ZNF610: variants seen among roughly 807,000 people sequenced by gnomAD.
The protein encoded by ZNF610 is zink finger protein.
In ZNF610, 14 loss-of-function variants were observed where a neutral mutation model predicts 14.1. The observed-to-expected ratio is 0.99, with a 90% CI of 0.65 to 1.55. The LOEUF is 1.55. Ranked by LOEUF, ZNF610 falls within the 40% of genes most tolerant of loss-of-function variation. The pLI is 0.00. For missense variants in ZNF610, 530 were observed against 558.0 expected, an observed-to-expected ratio of 0.95 and a Z score of 0.51; for synonymous variants, 185 against 187.6, an observed-to-expected ratio of 0.99 and a Z score of 0.11.
chr19:52,365,590 G>C, intron 5 of ZNF610, 108 bp from the exon 6 acceptor site: 1 of 984,648 alleles, frequency 1.0e-6, no homozygotes, highest in South Asian at 1.6e-5. Flanking sequence ...AAAGTATGCC[G>C]ATACTTCTTC....
chr19:52,357,626 T>C (rs111899967), intron 5 of ZNF610, among the ~76,000 whole-genome samples: 2,150 of 110,772 alleles, frequency 0.019, 37 homozygotes, highest in African/African-American at 0.065. Context: ...GCCTGGGAGA[T>C]AGAGCGAGCC....
At chr19:52,330,612 A>G in the ZNF610 span, among the ~76,000 whole-genome samples, 1 of 152,214 alleles carries the variant, frequency 6.6e-6, no homozygotes, top group Non-Finnish European at 1.5e-5. Flanking sequence ...TATTTAGAAG[A>G]GGCTTTTTTA....
intron 2 of ZNF610, 93 bp from the exon 3 acceptor site, chr19:52,349,061 C>T (rs1040744767): frequency 2.9e-5 from 24 of 841,114 alleles, no homozygotes; most frequent in Non-Finnish European, 4.2e-5. Flanking sequence ...GACATCTTTC[C>T]GCAGGATTAG....
chr19:52,358,764 T>C (rs868393351), intron 5 of ZNF610, among the ~76,000 whole-genome samples: 1 of 152,242 alleles, frequency 6.6e-6, no homozygotes, highest in Non-Finnish European at 1.5e-5. Context: ...TGATTTTTTC[T>C]AGGAGTTTTA....
intron 1 of ZNF610, among the ~76,000 whole-genome samples, chr19:52,338,969 C>T (rs983221387): frequency 6.6e-6 from 1 of 152,038 alleles, no homozygotes. Context: ...TGATCACTAT[C>T]TCTACCATCT....
chr19:52,345,830 G>A (rs559026451), intron 1 of ZNF610, among the ~76,000 whole-genome samples: 76 of 151,768 alleles, frequency 5.0e-4, no homozygotes, highest in African/African-American at 1.8e-3. Flanking sequence ...TCAGCCTCCC[G>A]AGTAGCTGGG....
chr19:52,346,889 C>T lies in ZNF610; in HGVS notation c.-257-818C>T, dbSNP rs546795019. On this transcript the variant is annotated intron_variant, in intron 1 of 5. Coordinates refer to ENST00000403906, the MANE Select transcript of ZNF610 (RefSeq NM_001161425.2). ...GGACTACAAGCCTGTGCCACCACTC[C>T]GAGCTAATTTTTGTATTTTTAGTGG... 1.6e-4 allele frequency among the ~76,000 whole-genome samples: 24 copies of T among 152,118 alleles called. No homozygotes were observed. The South Asian group carries it at 3.1e-3, about 20-fold the overall frequency.
chr19:52,352,933 CTTTA>C (rs1197909839), intron 3 of ZNF610, among the ~76,000 whole-genome samples: 1 of 151,554 alleles, frequency 6.6e-6, no homozygotes, highest in African/African-American at 2.4e-5. Flanking sequence ...TTTCTTTGAC[CTTTA>C]TTTGTTTGTT....
chr19:52,363,928 T>G (rs750575070), intron 5 of ZNF610, among the ~76,000 whole-genome samples: 3 of 152,218 alleles, frequency 2.0e-5, no homozygotes, highest in Non-Finnish European at 2.9e-5. Flanking sequence ...GTCCTTCATT[T>G]TTCCCTTACT....
intron 4 of ZNF610, 132 bp downstream of exon 4, chr19:52,353,940 CT>C: frequency 1.7e-6 from 2 of 1,204,186 alleles, no homozygotes; most frequent in Non-Finnish European, 2.3e-6. Context: ...ATGAAAAGCT[CT>C]ATTATGCTCT....
chr19:52,362,372 C>T (rs1006034540), intron 5 of ZNF610, among the ~76,000 whole-genome samples: 1 of 152,214 alleles, frequency 6.6e-6, no homozygotes, highest in Non-Finnish European at 1.5e-5. Context: ...GATCGCACCA[C>T]TGCACTCCAG....
chr19:52,339,682 T>A (rs558930467), intron 1 of ZNF610, among the ~76,000 whole-genome samples: 69 of 152,332 alleles, frequency 4.5e-4, no homozygotes, highest in South Asian at 1.7e-3. Context: ...TATGTCTACT[T>A]CTTTCTACAT....
At chr19:52,362,926 T>C (rs1320257164) in intron 5 of ZNF610, among the ~76,000 whole-genome samples, 1 of 152,146 alleles carries the variant, frequency 6.6e-6, no homozygotes, top group Non-Finnish European at 1.5e-5. Context: ...AATGAGGCTA[T>C]AGTGATGTTT....
At chr19:52,354,580 ATTTTTTTTTTTTTT>A (rs201439857) in intron 5 of ZNF610, among the ~76,000 whole-genome samples, 13 of 123,606 alleles carry the variant, frequency 1.1e-4, no homozygotes, top group East Asian at 2.2e-4. Flanking sequence ...AAGCCATACT[ATTTTTTTTTTTTTT>A]TTTTTTTTTT....
chr19:52,336,441 C>T lies in ZNF610; in HGVS notation c.-323C>T, dbSNP rs970249647. 1 of 177,422 alleles carries T rather than the reference C, an allele frequency of 5.6e-6. No individual in the cohort carries two copies. The allele number at this position is 177,422 out of a possible 1,614,324, so 11.0% of individuals were successfully genotyped here. On this transcript the variant is annotated 5_prime_UTR_variant, in exon 1 of 6. Transcript: ENST00000403906. ...GGCGTCTCCGTGAGAGTCCGGCGCT[C>T]GCTTCCCTGTGTGTTAAAATCGCTC...
rs1985115380 is a variant in ZNF610, at chr19:52,349,190, A to C, written c.18A>C (p.Glu6Asp). The C allele has an allele frequency of 7.4e-6, 12 of 1,613,314 alleles. No individual in the cohort carries two copies. Among genetic ancestry groups the C allele is most frequent in the East Asian group, 2.2e-5 (1 of 44,832 alleles). MLCDE[E>D]AQKRKAKESG... is the part of the protein sequence containing the mutation. ...AAACAGTCATGCTATGTGATGAAGA[A>C]GCCCAGAAGAGGAAAGCAAAGGAGT... The change falls in exon 3 of 6, where the codon GAA becomes GAC. Residue 6 changes from glutamate to aspartate, a missense_variant. Coordinates refer to ENST00000403906, the MANE Select transcript of ZNF610 (RefSeq NM_001161425.2).
At position 52,367,534 on chromosome 19, in the gene ZNF610, T is replaced by A. The variant is rs1266218551; in HGVS notation, c.*767T>A. 1 of 152,182 alleles carries A rather than the reference T, an allele frequency of 6.6e-6. No homozygotes were observed. The highest frequency in any genetic ancestry group is 1.9e-4 in the East Asian group (1 of 5,202). The allele number at this position is 152,182 out of a possible 1,614,324, so 9.4% of individuals were successfully genotyped here. A position where few individuals can be genotyped will look rare whatever the true frequency, so the allele number is the denominator to read the frequency against. On this transcript the variant is annotated 3_prime_UTR_variant, in exon 6 of 6. Coordinates refer to ENST00000403906, the MANE Select transcript of ZNF610 (RefSeq NM_001161425.2). ...AGAGAATAATAACCCATTATGATTT[T>A]AAGGTTGAAGCAGCCAGAAAAGTGT...
At chr19:52,339,664 G>C (rs1984577412) in intron 1 of ZNF610, among the ~76,000 whole-genome samples, 1 of 152,108 alleles carries the variant, frequency 6.6e-6, no homozygotes, top group Non-Finnish European at 1.5e-5. Flanking sequence ...GAACAAAATG[G>C]AGTCTCTTAT....
intron 1 of ZNF610, among the ~76,000 whole-genome samples, chr19:52,342,055 C>T (rs1984713295): frequency 6.6e-6 from 1 of 152,086 alleles, no homozygotes; most frequent in Admixed American, 6.5e-5. Flanking sequence ...GCGATTCTCC[C>T]ATCTCAGCCA....
Sources: allele counts gnomAD v4.1 joint callset (sites outside exome capture counted in the v4.1 genomes callset), GRCh38; gene constraint gnomAD v4.1.1; transcripts MANE v1.5; gene names NCBI Gene and HGNC (gene_info 2026-07-23, HGNC 2026-07-21).